PCDH15: variants seen among roughly 807,000 people sequenced by gnomAD.
PCDH15 encodes the protein protocadherin-15.
PCDH15 carries 129 observed loss-of-function variants against 178.5 expected under a neutral mutation model. The ratio of observed to expected loss-of-function variants is 0.72; its 90% CI spans 0.63 to 0.84. The LOEUF (loss-of-function observed/expected upper bound fraction) is 0.84. Among genes scored for constraint, PCDH15 ranks in the 40% least tolerant of loss-of-function variants. PCDH15 has a pLI of 0.00. For missense variants in PCDH15, 2,230 were observed against 2,099.9 expected, an observed-to-expected ratio of 1.06 and a Z score of -1.21; for synonymous variants, 800 against 732.0, an observed-to-expected ratio of 1.09 and a Z score of -1.50.
chr10:55,582,911 G>T (rs1842652127), intron 2 of PCDH15, among the ~76,000 whole-genome samples: 1 of 151,704 alleles, frequency 6.6e-6, no homozygotes, highest in Non-Finnish European at 1.5e-5. Context: ...ATACGTAATT[G>T]CCATTAATAT....
intron 8 of PCDH15, among the ~76,000 whole-genome samples, chr10:54,250,451 T>G (rs2056385208): frequency 6.6e-6 from 1 of 151,334 alleles, no homozygotes. Flanking sequence ...CCCGGCTAAT[T>G]TTTTCGTATT....
chr10:54,178,541 G>T (rs1425220816), intron 13 of PCDH15, among the ~76,000 whole-genome samples: 1 of 152,034 alleles, frequency 6.6e-6, no homozygotes, highest in Non-Finnish European at 1.5e-5. Context: ...GAAATTGGAA[G>T]GAGTGCAGTC....
chr10:54,481,898 A>G (rs895687422), intron 3 of PCDH15, among the ~76,000 whole-genome samples: 2 of 151,892 alleles, frequency 1.3e-5, no homozygotes, highest in Non-Finnish European at 2.9e-5. Flanking sequence ...AAAGCAAGTC[A>G]GTCTGTATTG....
chr10:54,573,464 T>C (rs2090086705), intron 2 of PCDH15, among the ~76,000 whole-genome samples: 1 of 152,200 alleles, frequency 6.6e-6, no homozygotes, highest in Non-Finnish European at 1.5e-5. Context: ...CCAGCATTGA[T>C]ATTTTCTAAA....
At chr10:55,025,709 T>A (rs1387284503) in intron 2 of PCDH15, among the ~76,000 whole-genome samples, 1 of 152,042 alleles carries the variant, frequency 6.6e-6, no homozygotes, top group African/African-American at 2.4e-5. Flanking sequence ...TTATAACTTA[T>A]TTATACTTGT....
chr10:55,594,971 G>A (rs762433012), intron 2 of PCDH15, among the ~76,000 whole-genome samples: 17 of 151,922 alleles, frequency 1.1e-4, no homozygotes, highest in Non-Finnish European at 2.5e-4. Context: ...AGATCTGTTG[G>A]GAACTGGCTG....
intron 1 of PCDH15, among the ~76,000 whole-genome samples, chr10:55,207,613 A>T (rs1404281612): frequency 1.3e-5 from 2 of 152,146 alleles, no homozygotes; most frequent in East Asian, 3.8e-4. Flanking sequence ...TTCTACTCAG[A>T]TAGTTATAAT....
chr10:53,828,725 A>G, intron 30 of PCDH15, 152 bp from the exon 31 acceptor site: 1 of 649,268 alleles, frequency 1.5e-6, no homozygotes, highest in Non-Finnish European at 2.7e-6. Context: ...AAAACTAAGG[A>G]TATCAATTCA....
chr10:53,906,219 A>C (rs2082671101), intron 25 of PCDH15, among the ~76,000 whole-genome samples: 1 of 151,924 alleles, frequency 6.6e-6, no homozygotes, highest in African/African-American at 2.4e-5. Context: ...AAAAATTGTT[A>C]ACTTTTATTT....
chr10:53,836,871 T>C (rs1418050317), intron 29 of PCDH15, among the ~76,000 whole-genome samples: 1 of 152,106 alleles, frequency 6.6e-6, no homozygotes, highest in Non-Finnish European at 1.5e-5. Context: ...CATTGCAAAA[T>C]AGCAGAAAGC....
intron 1 of PCDH15, among the ~76,000 whole-genome samples, chr10:55,222,730 C>CACACACACACACACACACAT: frequency 2.5e-5 from 3 of 121,278 alleles, no homozygotes; most frequent in African/African-American, 1.0e-4. Context: ...CACACACACA[C>CACACACACACACACACACAT]ATATATATAT....
intron 2 of PCDH15, among the ~76,000 whole-genome samples, chr10:54,596,171 A>G (rs1233175287): frequency 1.3e-5 from 2 of 152,148 alleles, no homozygotes; most frequent in African/African-American, 4.8e-5. Flanking sequence ...CAGGTTCTGT[A>G]AGGTCAAAAT....
intron 8 of PCDH15, among the ~76,000 whole-genome samples, chr10:54,256,051 C>T (rs371912447): frequency 6.6e-6 from 1 of 152,180 alleles, no homozygotes; most frequent in Non-Finnish European, 1.5e-5. Context: ...CGAGAATAGT[C>T]TCCGGAAGGA....
At chr10:54,171,744 T>C (rs1450432572) in intron 13 of PCDH15, among the ~76,000 whole-genome samples, 2 of 152,120 alleles carry the variant, frequency 1.3e-5, no homozygotes, top group African/African-American at 4.8e-5. Flanking sequence ...TTAGACCTTT[T>C]ATACCTGTTT....
chr10:55,314,295 C>T (rs1373583044), intron 1 of PCDH15, among the ~76,000 whole-genome samples: 1 of 150,786 alleles, frequency 6.6e-6, no homozygotes, highest in Admixed American at 6.6e-5. Flanking sequence ...TTATAGCTAC[C>T]TTTCTCTTTA....
At chr10:55,026,352 C>T (rs1840475702) in intron 2 of PCDH15, among the ~76,000 whole-genome samples, 1 of 151,862 alleles carries the variant, frequency 6.6e-6, no homozygotes, top group South Asian at 2.1e-4. Context: ...CTGAAATGCA[C>T]ACATATTTAA....
At chr10:54,008,970 C>T (rs1248281217) in intron 20 of PCDH15, among the ~76,000 whole-genome samples, 1 of 152,044 alleles carries the variant, frequency 6.6e-6, no homozygotes, top group Non-Finnish European at 1.5e-5. Flanking sequence ...ATTTTTGTAA[C>T]AGATTTCTAA....
chr10:54,722,597 T>G (rs955696593), intron 1 of PCDH15, among the ~76,000 whole-genome samples: 11 of 144,298 alleles, frequency 7.6e-5, no homozygotes, highest in Admixed American at 2.1e-4. Flanking sequence ...AAAAAAAATG[T>G]CAAATTATCT....
chr10:54,230,854 T>C (rs2053982766), intron 9 of PCDH15, among the ~76,000 whole-genome samples: 1 of 152,196 alleles, frequency 6.6e-6, no homozygotes, highest in African/African-American at 2.4e-5. Context: ...ACATATTACT[T>C]TTCACACATT....
Sources: allele counts gnomAD v4.1 joint callset (sites outside exome capture counted in the v4.1 genomes callset), GRCh38; gene constraint gnomAD v4.1.1; transcripts MANE v1.5; gene names NCBI Gene and HGNC (gene_info 2026-07-23, HGNC 2026-07-21).